ARHGAP6: variants seen among roughly 807,000 people sequenced by gnomAD.
ARHGAP6 encodes the protein Rho GTPase activating protein 6.
In ARHGAP6, 16 loss-of-function variants were observed where a neutral mutation model predicts 55.7. That is an observed-to-expected ratio of 0.29 (90% CI 0.19 to 0.44). The LOEUF (loss-of-function observed/expected upper bound fraction) is 0.44, where lower values mean the gene tolerates loss of function less well. Ranked by LOEUF, ARHGAP6 falls within the 20% of genes least tolerant of loss-of-function variation. ARHGAP6 has a pLI of 1.00. For synonymous variants in ARHGAP6, 382 were observed against 360.9 expected (o/e 1.06, Z -0.66); for missense variants, 698 against 808.9 (o/e 0.86, Z 1.66).
intron 1 of ARHGAP6, among the ~76,000 whole-genome samples, chrX:11,484,481 T>G: frequency 2.5e-5 from 2 of 78,959 alleles, no homozygotes; most frequent in Non-Finnish European, 4.6e-5. Flanking sequence ...GGAAGAAAAA[T>G]GAGAGCAGAG....
At chrX:11,341,965 CCCCACT>C (rs2048712472) in intron 1 of ARHGAP6, among the ~76,000 whole-genome samples, 2 of 105,552 alleles carry the variant, frequency 1.9e-5, no homozygotes, top group Admixed American at 1.0e-4. Context: ...CCACCCCCAC[CCCCACT>C]GACTTTCATC....
intron 1 of ARHGAP6, among the ~76,000 whole-genome samples, chrX:11,355,458 A>G (rs1165754214): frequency 2.7e-5 from 3 of 112,422 alleles, no homozygotes; most frequent in Non-Finnish European, 5.6e-5. Flanking sequence ...ATGCTGACCT[A>G]AAATATTTGA....
chrX:11,490,062 T>A (rs951461544), intron 1 of ARHGAP6, among the ~76,000 whole-genome samples: 1 of 111,122 alleles, frequency 9.0e-6, no homozygotes, highest in Non-Finnish European at 1.9e-5. Context: ...GGCAGACATA[T>A]CCTAAGATGA....
chrX:11,245,732 T>C (rs993108269), intron 2 of ARHGAP6, among the ~76,000 whole-genome samples: 4 of 111,697 alleles, frequency 3.6e-5, no homozygotes, highest in African/African-American at 1.3e-4. Context: ...CAAATGTATC[T>C]CTGATAAAGA....
intron 1 of ARHGAP6, 75 bp from the exon 2 acceptor site, chrX:11,254,782 C>T (rs2047472311): frequency 3.9e-6 from 4 of 1,020,260 alleles, no homozygotes; most frequent in African/African-American, 1.9e-5. Flanking sequence ...ATCTCATCCT[C>T]TCTTAGTAAT....
chrX:11,504,065 G>A (rs2050708141), intron 1 of ARHGAP6, among the ~76,000 whole-genome samples: 1 of 110,563 alleles, frequency 9.0e-6, no homozygotes, highest in Admixed American at 9.7e-5. Context: ...TTGGGGGGGG[G>A]CTACCCAAGA....
intron 9 of ARHGAP6, among the ~76,000 whole-genome samples, chrX:11,165,686 A>G (rs985285858): frequency 9.0e-6 from 1 of 111,663 alleles, no homozygotes; most frequent in African/African-American, 3.3e-5. Flanking sequence ...CTGAGCAGGG[A>G]TTTGAATTTT....
At chrX:11,310,276 C>G (rs1406210418) in intron 1 of ARHGAP6, among the ~76,000 whole-genome samples, 1 of 108,157 alleles carries the variant, frequency 9.2e-6, no homozygotes, top group Admixed American at 9.9e-5. Flanking sequence ...GAATGTGTCT[C>G]CAAATGTTAA....
chrX:11,226,569 A>G (rs2047053188), intron 2 of ARHGAP6, among the ~76,000 whole-genome samples: 1 of 112,213 alleles, frequency 8.9e-6, no homozygotes, highest in Non-Finnish European at 1.9e-5. Flanking sequence ...TGGAAATTTT[A>G]CCTGGAAATA....
rs59668043 is a variant in ARHGAP6, at chrX:11,527,011, AGTGTGTGT to A, written c.588+137222_588+137229del. ...CTAATGATGCTTTGCTAATATGAGG[AGTGTGTGT>A]GTGTGTGTGTGTGTGTGTGTGTGTG... On this transcript the variant is annotated intron_variant, in intron 1 of 12. Transcript: ENST00000337414. Among the ~76,000 whole-genome samples, 369 of 81,046 alleles carry A rather than the reference AGTGTGTGT, an allele frequency of 4.6e-3. 2 individuals carry two copies. The highest frequency in any genetic ancestry group is 0.012 in the African/African-American group (261 of 22,148). The allele number at this position is 81,046 out of a possible 115,157, so 70.4% of individuals were successfully genotyped here.
At chrX:11,468,506 T>C (rs1278953776) in intron 1 of ARHGAP6, among the ~76,000 whole-genome samples, 1 of 112,179 alleles carries the variant, frequency 8.9e-6, no homozygotes, top group African/African-American at 3.2e-5. Flanking sequence ...CCTTCTTTTC[T>C]TAACCACAAA....
intron 1 of ARHGAP6, among the ~76,000 whole-genome samples, chrX:11,354,299 C>T (rs867949104): frequency 1.7e-3 from 62 of 35,963 alleles, no homozygotes; most frequent in South Asian, 3.4e-3. Flanking sequence ...CTCTCTTTCT[C>T]TCTCTCTCTC....
chrX:11,476,600 A>G (rs1054055876), intron 1 of ARHGAP6, among the ~76,000 whole-genome samples: 1 of 111,240 alleles, frequency 9.0e-6, no homozygotes, highest in Non-Finnish European at 1.9e-5. Context: ...CATTGTGTAC[A>G]GTGAAAGACA....
At chrX:11,481,258 A>G (rs2050453836) in intron 1 of ARHGAP6, among the ~76,000 whole-genome samples, 1 of 111,709 alleles carries the variant, frequency 9.0e-6, no homozygotes, top group East Asian at 2.8e-4. Flanking sequence ...TTACTCAATG[A>G]TTCGATTCCC....
intron 1 of ARHGAP6, among the ~76,000 whole-genome samples, chrX:11,605,204 G>C (rs184291311): frequency 9.0e-6 from 1 of 111,519 alleles, no homozygotes; most frequent in Non-Finnish European, 1.9e-5. Context: ...TTGGGTTTGA[G>C]TTCTCTGGTT....
intron 1 of ARHGAP6, among the ~76,000 whole-genome samples, chrX:11,261,203 C>A (rs902212518): frequency 3.6e-5 from 4 of 111,596 alleles, no homozygotes; most frequent in Non-Finnish European, 5.7e-5. Context: ...CCAAGAAAAA[C>A]CCATGCCAGT....
intron 1 of ARHGAP6, among the ~76,000 whole-genome samples, chrX:11,600,806 GA>G (rs2051960253): frequency 8.9e-6 from 1 of 112,069 alleles, no homozygotes; most frequent in African/African-American, 3.2e-5. Context: ...AGGGGAGTGT[GA>G]AGTGAGATTG....
chrX:11,464,541 C>T (rs1444199517), intron 1 of ARHGAP6, among the ~76,000 whole-genome samples: 1 of 112,187 alleles, frequency 8.9e-6, no homozygotes, highest in Non-Finnish European at 1.9e-5. Flanking sequence ...ATTAACAAAC[C>T]TTGGCCAAAC....
chrX:11,258,351 T>C (rs181227323), intron 1 of ARHGAP6, among the ~76,000 whole-genome samples: 126 of 109,305 alleles, frequency 1.2e-3, no homozygotes, highest in African/African-American at 3.9e-3. Flanking sequence ...GGATGACTCT[T>C]GAGTTTCTAG....
Sources: allele counts gnomAD v4.1 joint callset (sites outside exome capture counted in the v4.1 genomes callset), GRCh38; gene constraint gnomAD v4.1.1; transcripts MANE v1.5; gene names NCBI Gene and HGNC (gene_info 2026-07-23, HGNC 2026-07-21).